CNBD1: variants seen among roughly 807,000 people sequenced by gnomAD.
The protein encoded by CNBD1 is cyclic nucleotide-binding domain-containing protein 1.
A neutral mutation model predicts 54.4 loss-of-function variants in CNBD1; 71 were observed. That is an observed-to-expected ratio of 1.30 (90% CI 1.08 to 1.59). The LOEUF (loss-of-function observed/expected upper bound fraction) is 1.59. CNBD1 is among the 40% of genes most tolerant of loss of function. The pLI is 0.00. For synonymous variants in CNBD1, 182 were observed against 170.7 expected, an observed-to-expected ratio of 1.07 and a Z score of -0.51; for missense variants, 659 against 518.0, an observed-to-expected ratio of 1.27 and a Z score of -2.64.
intron 2 of CNBD1, among the ~76,000 whole-genome samples, chr8:87,391,620 A>C (rs569735257): frequency 6.6e-6 from 1 of 152,210 alleles, no homozygotes; most frequent in South Asian, 2.1e-4. Context: ...TCAACAAATC[A>C]TGCTGGGATA....
At chr8:86,912,432 C>G (rs1225183668) in intron 3 of CNBD1, among the ~76,000 whole-genome samples, 1 of 152,140 alleles carries the variant, frequency 6.6e-6, no homozygotes, top group Non-Finnish European at 1.5e-5. Flanking sequence ...ATCACATATA[C>G]CATGGTGGTC....
intron 6 of CNBD1, among the ~76,000 whole-genome samples, chr8:87,271,672 A>G (rs9886458): frequency 0.28 from 42,716 of 151,846 alleles, 6,460 homozygotes; most frequent in African/African-American, 0.39. Flanking sequence ...GTAAATTAGT[A>G]TAGCCACTAT....
chr8:87,177,821 G>A (rs1460558244), intron 4 of CNBD1, among the ~76,000 whole-genome samples: 1 of 152,170 alleles, frequency 6.6e-6, no homozygotes, highest in Non-Finnish European at 1.5e-5. Context: ...AGAATTGCAT[G>A]AATTGTAAAA....
intron 5 of CNBD1, 54 bp downstream of exon 5, chr8:87,206,192 C>T (rs1259895312): frequency 5.2e-6 from 7 of 1,347,328 alleles, no homozygotes; most frequent in East Asian, 2.7e-5. Flanking sequence ...GCCACTGTTT[C>T]GAGTTCTTTA....
At position 87,090,440 on chromosome 8, in the gene CNBD1, A is replaced by G. The variant is rs138478860; in HGVS notation, c.432-115553A>G. Reference sequence around the variant, plus strand: ...TGGAAAGACAGTAATCCATCTGGATATAGTCATTTTCAATATCCTACTGAA... The same window carrying G: ...TGGAAAGACAGTAATCCATCTGGATGTAGTCATTTTCAATATCCTACTGAA... On this transcript the variant is annotated intron_variant, in intron 4 of 10. Transcript: ENST00000518476. Among the ~76,000 whole-genome samples the G allele has an allele frequency of 1.2e-4, 18 of 152,332 alleles. No homozygotes were observed. In the East Asian group the frequency reaches 3.5e-3, roughly 29 times the overall value.
chr8:87,277,806 A>G (rs1311142103), intron 6 of CNBD1, among the ~76,000 whole-genome samples: 1 of 151,744 alleles, frequency 6.6e-6, no homozygotes, highest in African/African-American at 2.4e-5. Flanking sequence ...AATGGTTTTC[A>G]TACACAACAT....
At chr8:87,420,849 C>T (rs1807921312) in intron 2 of CNBD1, among the ~76,000 whole-genome samples, 1 of 150,756 alleles carries the variant, frequency 6.6e-6, no homozygotes, top group African/African-American at 2.4e-5. Context: ...TATATCTTAA[C>T]AATACAATAG....
chr8:87,147,476 T>C lies in CNBD1; in HGVS notation c.432-58517T>C, dbSNP rs544682958. ...AAATTTTGTTAATGTGATTGCTTAT[T>C]GATAATGGCTAGTGGTCTTATCATC... On this transcript the variant is annotated intron_variant, in intron 4 of 10. Coordinates refer to ENST00000518476, the MANE Select transcript of CNBD1 (RefSeq NM_173538.3). Among the ~76,000 whole-genome samples the C allele has an allele frequency of 2.9e-3, 439 of 152,224 alleles. 1 individual carries two copies. Among genetic ancestry groups the C allele is most frequent in the African/African-American group, 0.01 (425 of 41,558 alleles).
chr8:87,387,805 T>C (rs1055205568), downstream of CNBD1, among the ~76,000 whole-genome samples: 1 of 152,154 alleles, frequency 6.6e-6, no homozygotes, highest in African/African-American at 2.4e-5. Flanking sequence ...GAATATACAT[T>C]CTTTTCAGCA....
chr8:87,125,118 C>T (rs1554557470), intron 4 of CNBD1, among the ~76,000 whole-genome samples: 1 of 151,608 alleles, frequency 6.6e-6, no homozygotes, highest in Non-Finnish European at 1.5e-5. Flanking sequence ...ACAACAAAAA[C>T]ACTGACGAAA....
At chr8:87,083,651 GGATCTC>G (rs1225871673) in intron 4 of CNBD1, among the ~76,000 whole-genome samples, 1 of 145,504 alleles carries the variant, frequency 6.9e-6, no homozygotes, top group Non-Finnish European at 1.5e-5. Context: ...TGCGGTGGCT[GGATCTC>G]GGCTAAGTGC....
intron 4 of CNBD1, among the ~76,000 whole-genome samples, chr8:87,012,995 T>C (rs1483671587): frequency 6.6e-6 from 1 of 152,210 alleles, no homozygotes. Context: ...AATAAATTCC[T>C]TCAAATATTT....
chr8:87,019,690 C>T (rs2130574297), intron 4 of CNBD1, among the ~76,000 whole-genome samples: 1 of 152,138 alleles, frequency 6.6e-6, no homozygotes, highest in Admixed American at 6.5e-5. Context: ...CCAGCCTGGC[C>T]AGCATAGTGA....
At chr8:87,397,108 G>C (rs1811421352) in intron 2 of CNBD1, among the ~76,000 whole-genome samples, 1 of 151,430 alleles carries the variant, frequency 6.6e-6, no homozygotes, top group Non-Finnish European at 1.5e-5. Context: ...TCATTTTACA[G>C]TACCAGCTTT....
intron 10 of CNBD1, among the ~76,000 whole-genome samples, chr8:87,364,160 A>C (rs1444192858): frequency 6.6e-6 from 1 of 151,642 alleles, no homozygotes; most frequent in Non-Finnish European, 1.5e-5. Context: ...CTGACATTTA[A>C]AATTAATTTT....
At chr8:87,211,488 T>C (rs1289364570) in intron 5 of CNBD1, among the ~76,000 whole-genome samples, 1 of 152,144 alleles carries the variant, frequency 6.6e-6, no homozygotes, top group Non-Finnish European at 1.5e-5. Flanking sequence ...ATCCCTAGTG[T>C]TGGAGATGTG....
chr8:87,394,613 C>A (rs952156632), intron 2 of CNBD1, among the ~76,000 whole-genome samples: 3 of 151,822 alleles, frequency 2.0e-5, no homozygotes, highest in Non-Finnish European at 2.9e-5. Flanking sequence ...AAACATCTAC[C>A]CTTCTTCATA....
chr8:87,025,391 C>T (rs60353954), intron 4 of CNBD1, among the ~76,000 whole-genome samples: 4,620 of 152,286 alleles, frequency 0.03, 242 homozygotes, highest in African/African-American at 0.1. Context: ...GTCCACACAA[C>T]CTTTGTGAGC....
intron 1 of CNBD1, among the ~76,000 whole-genome samples, chr8:86,880,622 A>G (rs963238010): frequency 3.3e-5 from 5 of 152,218 alleles, no homozygotes; most frequent in African/African-American, 1.2e-4. Flanking sequence ...TATTTAGGAT[A>G]TATTTCAAAA....
Sources: gnomAD v4.1 joint callset for allele counts (sites outside exome capture counted in the v4.1 genomes callset) on GRCh38, gnomAD v4.1.1 for gene constraint, MANE v1.5 for transcripts, NCBI Gene and HGNC (gene_info 2026-07-23, HGNC 2026-07-21) for gene names.